Variants in DDX21 observed in about 807,000 individuals in gnomAD.
The protein encoded by DDX21 is DExD-box helicase 21.
A neutral mutation model predicts 90.0 loss-of-function variants in DDX21; 18 were observed. The ratio of observed to expected loss-of-function variants is 0.20; its 90% CI spans 0.14 to 0.30. DDX21 has a LOEUF of 0.30. DDX21 is among the 10% of genes least tolerant of loss of function. The pLI is 1.00. For synonymous variants in DDX21, 294 were observed against 318.0 expected, an observed-to-expected ratio of 0.92 and a Z score of 0.80; for missense variants, 673 against 944.5, an observed-to-expected ratio of 0.71 and a Z score of 3.77.
chr10:68,957,837 G>A (rs142371749), intron 1 of DDX21, among the ~76,000 whole-genome samples: 3 of 152,262 alleles, frequency 2.0e-5, no homozygotes, highest in South Asian at 2.1e-4. Flanking sequence ...AGAATTCAGC[G>A]TAATATGTAC....
chr10:68,969,143 C>T (rs993009225), intron 7 of DDX21, 22 bp downstream of exon 7: 2 of 1,593,600 alleles, frequency 1.3e-6, no homozygotes, highest in African/African-American at 1.4e-5. Context: ...ACTTAGTTGC[C>T]AGAATATAAA....
chr10:68,965,282 C>A, intron 4 of DDX21, 95 bp from the exon 5 acceptor site: 2 of 927,306 alleles, frequency 2.2e-6, no homozygotes, highest in South Asian at 1.5e-5. Flanking sequence ...AGACCTTGTT[C>A]AAGTCGTTCT....
intron 11 of DDX21, among the ~76,000 whole-genome samples, chr10:68,976,589 G>A (rs1843105148): frequency 1.3e-5 from 2 of 151,838 alleles, no homozygotes; most frequent in Admixed American, 1.3e-4. Context: ...ACCCAGCCTG[G>A]AAGAGTGTAT....
chr10:68,956,251 C>T lies in DDX21; in HGVS notation c.26C>T (p.Ala9Val). 6.2e-7 allele frequency: 1 copy of T among 1,614,164 alleles called. No individual in the cohort carries two copies. Among genetic ancestry groups the T allele is most frequent in the Non-Finnish European group, 8.5e-7 (1 of 1,180,018 alleles). Residue 9 changes from alanine to valine, a missense_variant, in exon 1 of 15, where the codon GCT becomes GTT. Ala to Val is a moderately conservative substitution (Grantham distance 64). Transcript: ENST00000354185. ...ATGCCGGGAAAACTCCGTAGTGACG[C>T]TGGTTTGGAATCAGACACCGCAATG... MPGKLRSD[A>V]GLESDTAMKK... is the part of the protein sequence containing the mutation.
chr10:68,956,517 C>T, intron 1 of DDX21: 1 of 1,422,986 alleles, frequency 7.0e-7, no homozygotes, highest in Non-Finnish European at 9.2e-7. Flanking sequence ...CGAGCCAGGT[C>T]CGCCGTGCGC....
chr10:68,967,314 C>T (rs151101625), intron 6 of DDX21, 111 bp downstream of exon 6: 134 of 1,050,738 alleles, frequency 1.3e-4, no homozygotes, highest in South Asian at 2.9e-4. Flanking sequence ...ACTGGGATTA[C>T]AGGCACCCAC....
intron 14 of DDX21, 83 bp from the exon 15 acceptor site, chr10:68,982,460 G>T: frequency 2.6e-6 from 4 of 1,509,926 alleles, no homozygotes; most frequent in Non-Finnish European, 3.5e-6. Flanking sequence ...CTTTGAAGAA[G>T]TGGCAAATAT....
chr10:68,956,646 C>CA, intron 1 of DDX21: 1 of 1,177,372 alleles, frequency 8.5e-7, no homozygotes, highest in Non-Finnish European at 1.1e-6. Flanking sequence ...GGGCGCGCCT[C>CA]ACACAGTGCG....
chr10:68,965,534 CATTGT>C, intron 5 of DDX21, 40 bp downstream of exon 5: 2 of 1,396,428 alleles, frequency 1.4e-6, no homozygotes, highest in Non-Finnish European at 2.0e-6. Flanking sequence ...TAATGCCACC[CATTGT>C]TGACTGCTCT....
chr10:68,980,031 G>T (rs531034457), intron 13 of DDX21, among the ~76,000 whole-genome samples: 1 of 152,010 alleles, frequency 6.6e-6, no homozygotes, highest in Non-Finnish European at 1.5e-5. Flanking sequence ...ACCTGAGGTC[G>T]GGAGTTTGAG....
intron 8 of DDX21, among the ~76,000 whole-genome samples, chr10:68,970,769 C>A (rs949392510): frequency 6.6e-6 from 1 of 152,110 alleles, no homozygotes; most frequent in East Asian, 1.9e-4. Context: ...TCTCCTGCCT[C>A]AGCCTCCCAA....
At position 68,974,666 on chromosome 10, in the gene DDX21, G is replaced by T; in HGVS notation, c.1669-4G>T. On this transcript the variant is annotated splice_polypyrimidine_tract_variant and splice_region_variant and intron_variant, in intron 10 of 14. Coordinates refer to ENST00000354185, the MANE Select transcript of DDX21 (RefSeq NM_004728.4). Reference sequence around the variant, plus strand: ...ACATTAAACTGTGGTTCATTTTCCTGTAGGGAATTAAGTTCAAACGAATAG... The same window carrying T: ...ACATTAAACTGTGGTTCATTTTCCTTTAGGGAATTAAGTTCAAACGAATAG... 2 of 1,613,384 alleles carry T rather than the reference G, an allele frequency of 1.2e-6. No individual in the cohort carries two copies. Among genetic ancestry groups the T allele is most frequent in the South Asian group, 1.1e-5 (1 of 91,026 alleles).
chr10:68,977,734 G>T, intron 12 of DDX21, 46 bp downstream of exon 12: 2 of 1,550,610 alleles, frequency 1.3e-6, no homozygotes, highest in South Asian at 2.4e-5. Context: ...TTTGGGGTAT[G>T]AGCAGGATAT....
intron 8 of DDX21, among the ~76,000 whole-genome samples, chr10:68,971,323 C>T (rs1370186245): frequency 1.3e-5 from 2 of 152,190 alleles, no homozygotes; most frequent in South Asian, 2.1e-4. Flanking sequence ...CTGCACAGAT[C>T]ATCCCATAAC....
chr10:68,977,396 A>G, intron 11 of DDX21, 133 bp from the exon 12 acceptor site: 3 of 793,714 alleles, frequency 3.8e-6, no homozygotes, highest in Admixed American at 4.9e-5. Flanking sequence ...TATGATTATT[A>G]TATACTGCAT....
At chr10:68,965,350 T>C (rs773664991) in intron 4 of DDX21, 27 bp from the exon 5 acceptor site, 29 of 1,570,208 alleles carry the variant, frequency 1.8e-5, no homozygotes, top group Non-Finnish European at 2.2e-5. Context: ...ACACAGTAAT[T>C]TGAATTCAAT....
At chr10:68,978,263 T>C (rs1413686283) in intron 12 of DDX21, among the ~76,000 whole-genome samples, 1 of 152,172 alleles carries the variant, frequency 6.6e-6, no homozygotes, top group Non-Finnish European at 1.5e-5. Flanking sequence ...AGGATTCTTT[T>C]GGGTGGATTA....
chr10:68,962,901 A>G (rs1318404003), intron 3 of DDX21, among the ~76,000 whole-genome samples: 1 of 152,188 alleles, frequency 6.6e-6, no homozygotes, highest in Non-Finnish European at 1.5e-5. Context: ...GAGACTTCAA[A>G]TATTTACTAT....
intron 1 of DDX21, among the ~76,000 whole-genome samples, chr10:68,957,852 A>T (rs1842819629): frequency 6.6e-6 from 1 of 152,168 alleles, no homozygotes; most frequent in African/African-American, 2.4e-5. Context: ...ATGTACTTCC[A>T]ACATTGTTCT....
Sources: allele counts gnomAD v4.1 joint callset (sites outside exome capture counted in the v4.1 genomes callset), GRCh38; gene constraint gnomAD v4.1.1; transcripts MANE v1.5; gene names NCBI Gene and HGNC (gene_info 2026-07-23, HGNC 2026-07-21).